Variants in SYT9 observed in about 807,000 individuals in gnomAD.
The protein encoded by SYT9 is synaptotagmin-9.
SYT9 carries 22 observed loss-of-function variants against 48.4 expected under a neutral mutation model. That is an observed-to-expected ratio of 0.45 (90% CI 0.32 to 0.65). SYT9 has a LOEUF of 0.65. Among genes scored for constraint, SYT9 ranks in the 30% least tolerant of loss-of-function variants. The pLI is 0.03. For missense variants in SYT9, 577 were observed against 622.0 expected, an observed-to-expected ratio of 0.93 and a Z score of 0.77; for synonymous variants, 265 against 245.0, an observed-to-expected ratio of 1.08 and a Z score of -0.76.
chr11:7,456,847 G>C (rs1008895692), intron 6 of SYT9: 1 of 152,176 alleles, frequency 6.6e-6, no homozygotes, highest in Admixed American at 6.5e-5. Context: ...GGCTCAGTGA[G>C]ATCTGTCAAG....
chr11:7,286,679 G>C (rs1171396981), intron 1 of SYT9, among the ~76,000 whole-genome samples: 1 of 152,180 alleles, frequency 6.6e-6, no homozygotes, highest in East Asian at 1.9e-4. Flanking sequence ...TCGCCACTTA[G>C]ATGTTTATTC....
chr11:7,365,464 A>T (rs1850222874), intron 3 of SYT9, among the ~76,000 whole-genome samples: 1 of 152,138 alleles, frequency 6.6e-6, no homozygotes, highest in African/African-American at 2.4e-5. Context: ...TTGTTTCTTT[A>T]ACTGTAGTTG....
intron 1 of SYT9, among the ~76,000 whole-genome samples, chr11:7,287,095 G>A (rs1325064968): frequency 6.6e-6 from 1 of 152,202 alleles, no homozygotes; most frequent in Admixed American, 6.5e-5. Flanking sequence ...CCAAGACTGG[G>A]TAATTTATAA....
intron 6 of SYT9, among the ~76,000 whole-genome samples, chr11:7,442,600 T>C (rs961475324): frequency 1.3e-5 from 2 of 152,172 alleles, no homozygotes; most frequent in Non-Finnish European, 2.9e-5. Context: ...TTGGTCCCCC[T>C]CCTTTATGAC....
At chr11:7,244,954 G>A (rs1847776414) in intron 1 of SYT9, among the ~76,000 whole-genome samples, 1 of 152,212 alleles carries the variant, frequency 6.6e-6, no homozygotes, top group African/African-American at 2.4e-5. Context: ...GCTGGGCTCA[G>A]CTCAGGAACT....
intron 1 of SYT9, among the ~76,000 whole-genome samples, chr11:7,284,797 C>T (rs1488012065): frequency 6.6e-6 from 1 of 152,062 alleles, no homozygotes; most frequent in Non-Finnish European, 1.5e-5. Flanking sequence ...TTCAGGGAGC[C>T]TTCTAGGTTA....
intron 3 of SYT9, among the ~76,000 whole-genome samples, chr11:7,315,592 G>A (rs1165952538): frequency 6.6e-6 from 1 of 152,214 alleles, no homozygotes; most frequent in African/African-American, 2.4e-5. Flanking sequence ...AAAGTTCAAC[G>A]AGGATCTTGC....
Position 7,313,777 on chromosome 11 carries a change from C to T in SYT9, c.880C>T (p.Pro294Ser), listed in dbSNP as rs745762028. The T allele has an allele frequency of 1.2e-6, 2 of 1,614,180 alleles. No individual in the cohort carries two copies. Among genetic ancestry groups the T allele is most frequent in the Non-Finnish European group, 1.7e-6 (2 of 1,180,028 alleles). ...VFDEVFLFPV[P>S]YNDLEARKLH... Reference sequence around the variant, plus strand: ...TGATGAAGTGTTTTTATTTCCGGTTCCCTACAATGACCTTGAAGCACGGAA... The same window carrying T: ...TGATGAAGTGTTTTTATTTCCGGTTTCCTACAATGACCTTGAAGCACGGAA... Residue 294 changes from proline to serine, a missense_variant, in exon 3 of 7, where the codon CCC becomes TCC. Coordinates refer to ENST00000318881, the MANE Select transcript of SYT9 (RefSeq NM_175733.4).
At chr11:7,319,260 C>A (rs1041256754) in intron 3 of SYT9, among the ~76,000 whole-genome samples, 1 of 115,450 alleles carries the variant, frequency 8.7e-6, no homozygotes, top group African/African-American at 3.4e-5. Flanking sequence ...CTTGAGGTAT[C>A]TGTAGGCTGG....
chr11:7,357,849 TATTA>T (rs1216178524), intron 3 of SYT9, among the ~76,000 whole-genome samples: 2 of 152,058 alleles, frequency 1.3e-5, no homozygotes, highest in African/African-American at 4.8e-5. Context: ...TGCATTTATA[TATTA>T]ATTCGACTAG....
chr11:7,382,978 T>C (rs1850594025), intron 3 of SYT9, among the ~76,000 whole-genome samples: 1 of 152,152 alleles, frequency 6.6e-6, no homozygotes, highest in Admixed American at 6.5e-5. Flanking sequence ...TATCTATAAG[T>C]AAAGTGCAGT....
chr11:7,385,688 A>G (rs1850645689), intron 3 of SYT9, among the ~76,000 whole-genome samples: 1 of 152,128 alleles, frequency 6.6e-6, no homozygotes, highest in Non-Finnish European at 1.5e-5. Context: ...GCAAATATCT[A>G]TATGCATGAG....
In SYT9 at chr11:7,313,737, C is replaced by G. The variant is rs1299530865; in HGVS notation, c.840C>G (p.Thr280=). ...TKHQTKVHRK[T]LNPVFDEVFL... is the part of the protein sequence containing the mutation. ...ACCAGACTAAAGTTCACAGAAAGAC[C>G]CTGAACCCTGTGTTTGATGAAGTGT... Residue 280 remains threonine, a synonymous_variant, in exon 3 of 7, where the codon ACC becomes ACG. Transcript: ENST00000318881. The G allele has an allele frequency of 6.2e-7, 1 of 1,614,156 alleles. No homozygotes were observed. The highest frequency in any genetic ancestry group is 1.1e-5 in the South Asian group (1 of 91,080).
intron 3 of SYT9, among the ~76,000 whole-genome samples, chr11:7,393,673 C>T (rs1260900788): frequency 6.6e-6 from 1 of 152,110 alleles, no homozygotes; most frequent in African/African-American, 2.4e-5. Context: ...GCCTCCAGCT[C>T]TTCTTTCTAT....
intron 6 of SYT9, among the ~76,000 whole-genome samples, chr11:7,449,871 G>T (rs564864207): frequency 6.6e-6 from 1 of 151,912 alleles, no homozygotes; most frequent in Admixed American, 6.6e-5. Flanking sequence ...GGTCTGGTGG[G>T]CCCCTGCTCT....
chr11:7,360,738 G>T (rs1291690323), intron 3 of SYT9, among the ~76,000 whole-genome samples: 1 of 152,096 alleles, frequency 6.6e-6, no homozygotes. Flanking sequence ...TGATATCAAA[G>T]TTACACTAGC....
At chr11:7,432,057 A>G (rs1391908963) in intron 6 of SYT9, among the ~76,000 whole-genome samples, 1 of 152,310 alleles carries the variant, frequency 6.6e-6, no homozygotes, top group East Asian at 1.9e-4. Flanking sequence ...AGACCTCAGA[A>G]TGGTAGATCC....
At chr11:7,452,163 CAA>C (rs1182349601) in intron 6 of SYT9, among the ~76,000 whole-genome samples, 1 of 134,658 alleles carries the variant, frequency 7.4e-6, no homozygotes, top group Admixed American at 7.1e-5. Context: ...GAAAAACAAA[CAA>C]TGATAAGAAA....
intron 1 of SYT9, among the ~76,000 whole-genome samples, chr11:7,284,555 G>C (rs947746103): frequency 2.0e-5 from 3 of 151,854 alleles, no homozygotes; most frequent in African/African-American, 7.3e-5. Flanking sequence ...TAGGCTTCTA[G>C]CATTCTAGAT....
Sources: allele counts gnomAD v4.1 joint callset (sites outside exome capture counted in the v4.1 genomes callset), GRCh38; gene constraint gnomAD v4.1.1; transcripts MANE v1.5; gene names NCBI Gene and HGNC (gene_info 2026-07-23, HGNC 2026-07-21).